Variants in UBAC2 observed in about 807,000 individuals in gnomAD.
UBAC2 encodes the protein ubiquitin-associated domain-containing protein 2.
A neutral mutation model predicts 44.0 loss-of-function variants in UBAC2; 26 were observed. The ratio of observed to expected loss-of-function variants is 0.59; its 90% CI spans 0.43 to 0.82. The LOEUF (loss-of-function observed/expected upper bound fraction) is 0.82, where lower values mean the gene tolerates loss of function less well. Ranked by LOEUF, UBAC2 falls within the 40% of genes least tolerant of loss-of-function variation. The pLI, the probability that UBAC2 is intolerant of heterozygous loss-of-function variation, is 0.00. For synonymous variants in UBAC2, 155 were observed against 154.3 expected, an observed-to-expected ratio of 1.00 and a Z score of -0.04; for missense variants, 329 against 419.4, an observed-to-expected ratio of 0.78 and a Z score of 1.88.
chr13:99,215,075 C>G (rs757396305), intron 1 of UBAC2, among the ~76,000 whole-genome samples: 1 of 151,672 alleles, frequency 6.6e-6, no homozygotes, highest in Admixed American at 6.6e-5. Context: ...ATGTTTGTTA[C>G]TATAACTTCT....
chr13:99,381,372 C>G (rs982431789), intron 8 of UBAC2, among the ~76,000 whole-genome samples: 1 of 152,258 alleles, frequency 6.6e-6, no homozygotes, highest in African/African-American at 2.4e-5. Flanking sequence ...TTTGCCAGAT[C>G]TCCAAATTGC....
chr13:99,294,999 G>A (rs931334548), intron 4 of UBAC2: 4 of 1,521,416 alleles, frequency 2.6e-6, no homozygotes, highest in East Asian at 2.3e-5. Context: ...TGCTTTATAA[G>A]GGAAGTCCTG....
chr13:99,341,957 G>A (rs929657378), intron 7 of UBAC2, among the ~76,000 whole-genome samples: 13 of 152,198 alleles, frequency 8.5e-5, no homozygotes, highest in Non-Finnish European at 1.8e-4. Context: ...AGATTTGGGG[G>A]AAATATGTTG....
At chr13:99,350,228 C>T (rs1461611717) in intron 7 of UBAC2, among the ~76,000 whole-genome samples, 3 of 152,086 alleles carry the variant, frequency 2.0e-5, no homozygotes, top group Non-Finnish European at 4.4e-5. Context: ...CTTTTTTATA[C>T]TGAAACAGTT....
chr13:99,267,181 A>C (rs2043754852), intron 4 of UBAC2, among the ~76,000 whole-genome samples: 1 of 152,154 alleles, frequency 6.6e-6, no homozygotes, highest in South Asian at 2.1e-4. Flanking sequence ...TCTTCTTTAG[A>C]GAATTGCCTA....
intron 8 of UBAC2, among the ~76,000 whole-genome samples, chr13:99,383,626 C>G (rs977937024): frequency 6.6e-6 from 1 of 152,270 alleles, no homozygotes; most frequent in Admixed American, 6.5e-5. Flanking sequence ...CTAGCCAGGG[C>G]TGTGCGTCAG....
At chr13:99,322,357 A>G (rs2044579512) in intron 6 of UBAC2, among the ~76,000 whole-genome samples, 1 of 152,154 alleles carries the variant, frequency 6.6e-6, no homozygotes, top group African/African-American at 2.4e-5. Flanking sequence ...TTCATTTTCT[A>G]CAGTTTTATG....
intron 7 of UBAC2, chr13:99,356,368 G>A: frequency 2.9e-6 from 1 of 349,222 alleles, no homozygotes; most frequent in South Asian, 2.4e-5. Flanking sequence ...AGAAGAGACG[G>A]GGCAGAGGGC....
At position 99,295,559 on chromosome 13, in the gene UBAC2, A is replaced by G. The variant is rs2044157456; in HGVS notation, c.390-18538A>G. On this transcript the variant is annotated intron_variant, in intron 4 of 8. Coordinates refer to ENST00000403766, the MANE Select transcript of UBAC2 (RefSeq NM_001144072.2). This position sits in a 1 kb window ranked among gnomAD's most constrained non-coding sequence, Gnocchi z 4.1. ...TCCTATGAAACATGCCCCAAGCAGA[A>G]TCCAGGGAAGAGATTTAGTTTCTTC... The G allele has an allele frequency of 1.2e-6, 2 of 1,614,020 alleles. No individual in the cohort carries two copies. Among genetic ancestry groups the G allele is most frequent in the African/African-American group, 1.3e-5 (1 of 75,032 alleles).
At chr13:99,378,847 G>A (rs1593991282) in intron 8 of UBAC2, among the ~76,000 whole-genome samples, 3 of 152,208 alleles carry the variant, frequency 2.0e-5, no homozygotes, top group East Asian at 3.8e-4. Flanking sequence ...GTTCAAGAAG[G>A]TACTTTTATA....
chr13:99,370,371 A>G (rs751359780), intron 8 of UBAC2, among the ~76,000 whole-genome samples: 7 of 152,256 alleles, frequency 4.6e-5, no homozygotes, highest in Non-Finnish European at 8.8e-5. Context: ...AGTTCCAGGT[A>G]CTATTCTAGA....
At chr13:99,283,713 CTTTTTTTTTTTTTTTTTTTTTTT>C (rs71118470) in intron 4 of UBAC2, among the ~76,000 whole-genome samples, 17 of 62,564 alleles carry the variant, frequency 2.7e-4, no homozygotes, top group Middle Eastern at 0.012. Flanking sequence ...TTAATGCCAC[CTTTTTTTTTTTTTTTTTTTTTTT>C]TTTTTTTTTT....
chr13:99,348,505 C>T (rs144893041), intron 7 of UBAC2, among the ~76,000 whole-genome samples: 49 of 152,240 alleles, frequency 3.2e-4, no homozygotes, highest in Non-Finnish European at 6.3e-4. Context: ...GAATTGCATT[C>T]GCCTGAGATT....
chr13:99,248,811 C>T (rs1404179534), intron 4 of UBAC2, among the ~76,000 whole-genome samples: 1 of 152,164 alleles, frequency 6.6e-6, no homozygotes, highest in Non-Finnish European at 1.5e-5. Flanking sequence ...ATAGGCGTGA[C>T]CACCATGTCT....
At chr13:99,278,528 G>A (rs1036667694) in intron 4 of UBAC2, among the ~76,000 whole-genome samples, 1 of 151,954 alleles carries the variant, frequency 6.6e-6, no homozygotes, top group Admixed American at 6.6e-5. Context: ...TTTGAATTTG[G>A]GCTAAATAGC....
intron 7 of UBAC2, among the ~76,000 whole-genome samples, chr13:99,364,513 T>C (rs1375264088): frequency 6.6e-6 from 1 of 151,980 alleles, no homozygotes; most frequent in Non-Finnish European, 1.5e-5. Flanking sequence ...AACAGTGTTA[T>C]GCTAGTCCCA....
chr13:99,327,354 G>T (rs1054568168), intron 6 of UBAC2, among the ~76,000 whole-genome samples: 1 of 152,188 alleles, frequency 6.6e-6, no homozygotes, highest in African/African-American at 2.4e-5. Flanking sequence ...TATCATGTCC[G>T]TTGCAGGACA....
At chr13:99,303,933 C>G (rs1356741952) in intron 4 of UBAC2, among the ~76,000 whole-genome samples, 1 of 152,198 alleles carries the variant, frequency 6.6e-6, no homozygotes, top group Non-Finnish European at 1.5e-5. Flanking sequence ...GGTCAGCGAG[C>G]AGTCCCTGTG....
chr13:99,351,255 T>C (rs2045083266), intron 7 of UBAC2, among the ~76,000 whole-genome samples: 1 of 152,130 alleles, frequency 6.6e-6, no homozygotes, highest in Non-Finnish European at 1.5e-5. Flanking sequence ...TTTGAGAGAG[T>C]CCTAATTTAG....
Sources: allele counts gnomAD v4.1 joint callset (sites outside exome capture counted in the v4.1 genomes callset), GRCh38; gene constraint gnomAD v4.1.1; non-coding constraint Gnocchi (gnomAD v3.1); transcripts MANE v1.5; gene names NCBI Gene and HGNC (gene_info 2026-07-23, HGNC 2026-07-21).